Variants in GRID2 observed in about 807,000 individuals in gnomAD.
The protein encoded by GRID2 is glutamate receptor ionotropic, delta-2.
GRID2 carries 33 observed loss-of-function variants against 114.8 expected under a neutral mutation model. That is an observed-to-expected ratio of 0.29 (90% CI 0.22 to 0.38). The LOEUF is 0.38. Ranked by LOEUF, GRID2 falls within the 10% of genes least tolerant of loss-of-function variation. The probability of loss-of-function intolerance (pLI) is 1.00; values close to 1 mark genes in which losing one functional copy is unlikely to be tolerated. For synonymous variants in GRID2, 505 were observed against 449.9 expected (o/e 1.12, Z -1.55); for missense variants, 1,184 against 1,257.7 (o/e 0.94, Z 0.89).
At chr4:93,312,790 A>G (rs912934328) in intron 8 of GRID2, among the ~76,000 whole-genome samples, 1 of 152,214 alleles carries the variant, frequency 6.6e-6, no homozygotes, top group Non-Finnish European at 1.5e-5. Context: ...AAGTGTTTCC[A>G]TTAGTTCACT....
At chr4:92,618,869 T>G (rs937583308) in intron 2 of GRID2, among the ~76,000 whole-genome samples, 1 of 151,804 alleles carries the variant, frequency 6.6e-6, no homozygotes, top group Non-Finnish European at 1.5e-5. Context: ...GATTTTTGAA[T>G]GTTGATATTC....
intron 3 of GRID2, among the ~76,000 whole-genome samples, chr4:93,093,094 T>A (rs578100352): frequency 6.6e-6 from 1 of 152,208 alleles, no homozygotes; most frequent in Admixed American, 6.6e-5. Flanking sequence ...GAGTCAGCAC[T>A]TAGCTTCAGG....
intron 2 of GRID2, among the ~76,000 whole-genome samples, chr4:92,758,161 C>G (rs1560575410): frequency 6.6e-6 from 1 of 151,996 alleles, no homozygotes; most frequent in Non-Finnish European, 1.5e-5. Context: ...AGTCTGTTCT[C>G]TTTTGCTTGT....
At chr4:92,581,525 A>G (rs1030711994) in intron 1 of GRID2, among the ~76,000 whole-genome samples, 2 of 152,066 alleles carry the variant, frequency 1.3e-5, no homozygotes, top group African/African-American at 4.8e-5. Context: ...CTGGATAACT[A>G]TACAGGTTTT....
At chr4:93,753,678 CT>C in intron 14 of GRID2, among the ~76,000 whole-genome samples, 1 of 152,120 alleles carries the variant, frequency 6.6e-6, no homozygotes, top group East Asian at 1.9e-4. Flanking sequence ...TGAACTTATC[CT>C]TTTTATGGCT....
intron 2 of GRID2, among the ~76,000 whole-genome samples, chr4:92,916,724 T>C (rs976462587): frequency 2.6e-5 from 4 of 152,196 alleles, no homozygotes; most frequent in Non-Finnish European, 4.4e-5. Context: ...TATTCCATGG[T>C]GTATATGTGC....
chr4:92,407,278 C>G (rs960588297), intron 1 of GRID2, among the ~76,000 whole-genome samples: 23 of 152,136 alleles, frequency 1.5e-4, no homozygotes, highest in African/African-American at 4.6e-4. Context: ...AATAATATCA[C>G]TACATAATAT....
chr4:92,439,578 G>A lies in GRID2; in HGVS notation c.88+134834G>A, dbSNP rs1033384686. On this transcript the variant is annotated intron_variant, in intron 1 of 15. Transcript: ENST00000282020. ...TAGAGTGGGAGAGATTAAGCTGAAG[G>A]GAGGTCTTGTGGTAAGGGGTGATAT... is the stretch of plus-strand genomic sequence containing the variant. Among the ~76,000 whole-genome samples the A allele has an allele frequency of 2.4e-4, 36 of 149,892 alleles. 1 individual carries two copies. The highest frequency in any genetic ancestry group is 8.7e-4 in the African/African-American group (36 of 41,248).
chr4:92,652,804 A>AAAATATATATATATATAT (rs1732010328), intron 2 of GRID2, among the ~76,000 whole-genome samples: 1 of 138,062 alleles, frequency 7.2e-6, no homozygotes, highest in African/African-American at 2.7e-5. Flanking sequence ...GGTGAAAAAA[A>AAAATATATATATATATAT]AAATATATAT....
intron 1 of GRID2, among the ~76,000 whole-genome samples, chr4:92,541,483 C>CAATCAT (rs1725948499): frequency 6.6e-6 from 1 of 150,684 alleles, no homozygotes; most frequent in Non-Finnish European, 1.5e-5. Context: ...CTCAATTTTC[C>CAATCAT]AATAATAATA....
intron 1 of GRID2, among the ~76,000 whole-genome samples, chr4:92,309,362 A>T (rs1725580868): frequency 6.6e-6 from 1 of 151,930 alleles, no homozygotes; most frequent in South Asian, 2.1e-4. Context: ...AGATATTCAC[A>T]TTTCTATTGG....
At chr4:93,583,092 T>C (rs140751108) in intron 13 of GRID2, among the ~76,000 whole-genome samples, 11 of 152,286 alleles carry the variant, frequency 7.2e-5, no homozygotes, top group African/African-American at 2.4e-4. Context: ...CTTTACATCA[T>C]GGTCGTCTCT....
intron 4 of GRID2, among the ~76,000 whole-genome samples, chr4:93,205,841 A>G (rs1239900448): frequency 6.6e-6 from 1 of 151,986 alleles, no homozygotes; most frequent in Non-Finnish European, 1.5e-5. Context: ...CTTTTTAATG[A>G]TCGCCATTCT....
chr4:92,524,912 A>G (rs998790635), intron 1 of GRID2, among the ~76,000 whole-genome samples: 3 of 152,086 alleles, frequency 2.0e-5, no homozygotes, highest in Admixed American at 1.3e-4. Flanking sequence ...GTACAGGGAC[A>G]TTTACAGAGC....
intron 3 of GRID2, among the ~76,000 whole-genome samples, chr4:93,090,732 T>C (rs1730712217): frequency 1.3e-5 from 2 of 152,138 alleles, no homozygotes; most frequent in Admixed American, 1.3e-4. Flanking sequence ...ATCATGTGTC[T>C]TCAGAAGGGT....
At chr4:93,270,536 C>T (rs1751336953) in intron 8 of GRID2, among the ~76,000 whole-genome samples, 1 of 152,110 alleles carries the variant, frequency 6.6e-6, no homozygotes, top group Non-Finnish European at 1.5e-5. Flanking sequence ...ATCATCCTAT[C>T]CTACCAAGGA....
chr4:93,192,341 C>T (rs573923145), intron 4 of GRID2, among the ~76,000 whole-genome samples: 255 of 152,132 alleles, frequency 1.7e-3, no homozygotes, highest in Admixed American at 3.4e-3. Context: ...CTCTTAAATC[C>T]TTACATTAGA....
chr4:92,503,358 C>G (rs1353926702), intron 1 of GRID2, among the ~76,000 whole-genome samples: 2 of 152,176 alleles, frequency 1.3e-5, no homozygotes, highest in East Asian at 3.9e-4. Flanking sequence ...TATCAAGATA[C>G]AGCATATTGG....
intron 14 of GRID2, among the ~76,000 whole-genome samples, chr4:93,751,632 C>T (rs1372576199): frequency 1.3e-5 from 2 of 152,174 alleles, no homozygotes; most frequent in East Asian, 3.9e-4. Flanking sequence ...TCTGTCTCAA[C>T]TTGACAGGAG....
Sources: allele counts gnomAD v4.1 joint callset (sites outside exome capture counted in the v4.1 genomes callset), GRCh38; gene constraint gnomAD v4.1.1; transcripts MANE v1.5; gene names NCBI Gene and HGNC (gene_info 2026-07-23, HGNC 2026-07-21).